The following ZNF383 variants were observed in gnomAD, a reference collection of about 807,000 sequenced individuals.
ZNF383 encodes the protein zinc finger protein 383.
ZNF383 carries 32 observed loss-of-function variants against 44.2 expected under a neutral mutation model. The ratio of observed to expected loss-of-function variants is 0.72; its 90% CI spans 0.55 to 0.97. ZNF383 has a LOEUF of 0.97. ZNF383 is among the 50% of genes least tolerant of loss of function. The pLI is 0.00. For missense variants in ZNF383, 487 were observed against 562.5 expected (o/e 0.87, Z 1.36); for synonymous variants, 155 against 186.2 (o/e 0.83, Z 1.36).
At position 37,230,469 on chromosome 19, in the gene ZNF383, T is replaced by G. The variant is rs192065565; in HGVS notation, c.9+7T>G. ...ACTAGAAGCCATGGCTGAGGTGAGTTGATGCTTTTTCTTGCCTTCCTGACA... is the reference window on the plus strand; with the variant it reads ...ACTAGAAGCCATGGCTGAGGTGAGTGGATGCTTTTTCTTGCCTTCCTGACA... On this transcript the variant is annotated splice_region_variant and intron_variant, in intron 3 of 5. Coordinates refer to ENST00000684119, the MANE Select transcript of ZNF383 (RefSeq NM_001387601.1). The G allele has an allele frequency of 6.5e-3, 10,543 of 1,612,960 alleles. 51 individuals carry two copies. Among genetic ancestry groups the G allele is most frequent in the Non-Finnish European group, 8.2e-3 (9,694 of 1,179,788 alleles).
chr19:37,238,051 CAG>C (rs1973905415), intron 5 of ZNF383, among the ~76,000 whole-genome samples: 1 of 151,666 alleles, frequency 6.6e-6, no homozygotes. Context: ...TTTGTAGAGA[CAG>C]GGTTTCGCCA....
chr19:37,231,930 T>C (rs1226081328), intron 3 of ZNF383, among the ~76,000 whole-genome samples: 3 of 152,194 alleles, frequency 2.0e-5, no homozygotes, highest in African/African-American at 7.2e-5. Flanking sequence ...ATTTTATGAA[T>C]TTTTTCAGAA....
rs913670951 is a variant in ZNF383, at chr19:37,246,695, G to C, written c.*3031G>C. 5 of 152,140 alleles carry C rather than the reference G, an allele frequency of 3.3e-5. No homozygotes were observed. The highest frequency in any genetic ancestry group is 9.7e-5 in the African/African-American group (4 of 41,412). 9.4% of individuals were successfully genotyped at this position (152,140 alleles called of 1,614,324 possible). A position where few individuals can be genotyped will look rare whatever the true frequency, so the allele number is the denominator to read the frequency against. On this transcript the variant is annotated 3_prime_UTR_variant, in exon 6 of 6. Coordinates refer to ENST00000684119, the MANE Select transcript of ZNF383 (RefSeq NM_001387601.1). ...TCCTAGCTACTCAAGAGGCTGAGGT[G>C]GGAGGATTGCTTGAACCTGGGAGTT...
At chr19:37,233,275 C>T (rs916202379) in intron 3 of ZNF383, among the ~76,000 whole-genome samples, 35 of 151,686 alleles carry the variant, frequency 2.3e-4, no homozygotes, top group Admixed American at 2.6e-4. Context: ...GGATTACAGG[C>T]GCGTGCCACC....
chr19:37,236,954 AACACACACACACACACACAC>A (rs35036376), intron 5 of ZNF383, among the ~76,000 whole-genome samples: 8 of 146,858 alleles, frequency 5.4e-5, no homozygotes, highest in African/African-American at 7.5e-5. Flanking sequence ...CACACATGTG[AACACACACACACACACACAC>A]ACACACACAC....
Position 37,233,293 on chromosome 19 carries a change from G to A in ZNF383, c.10-2256G>A, listed in dbSNP as rs553862166. ...TTACAGGCGCGTGCCACCACGCCCA[G>A]CTAATTTTTTTGTATTTTTAGTAGA... On this transcript the variant is annotated intron_variant, in intron 3 of 5. Transcript: ENST00000684119. Among the ~76,000 whole-genome samples the A allele has an allele frequency of 2.1e-3, 312 of 152,082 alleles. 1 individual carries two copies. Among genetic ancestry groups the A allele is most frequent in the African/African-American group, 7.2e-3 (300 of 41,480 alleles).
At position 37,243,205 on chromosome 19, in the gene ZNF383, A is replaced by G. The variant is rs755078016; in HGVS notation, c.969A>G (p.Ser323=). The change falls in exon 6 of 6, where the codon TCA becomes TCG. Residue 323 remains serine (S), a synonymous_variant. Transcript: ENST00000684119. ...GTGGCAAAGCCTTTACCCAGAGCTCAAAGCTTGTTCAACATCAGAGAATTC... is the reference window on the plus strand; with the variant it reads ...GTGGCAAAGCCTTTACCCAGAGCTCGAAGCTTGTTCAACATCAGAGAATTC... The part of the protein sequence containing the change: ...KECGKAFTQS[S]KLVQHQRIHT... 1.2e-6 allele frequency: 2 copies of G among 1,614,176 alleles called. No individual in the cohort carries two copies. Among genetic ancestry groups the G allele is most frequent in the South Asian group, 1.1e-5 (1 of 91,086 alleles).
chr19:37,239,931 G>A (rs534490178), intron 5 of ZNF383, among the ~76,000 whole-genome samples: 2 of 152,146 alleles, frequency 1.3e-5, no homozygotes, highest in African/African-American at 2.4e-5. Context: ...AGGCCGAGGC[G>A]GGAGGATCAT....
chr19:37,242,385 A>T (rs1974158651), intron 5 of ZNF383, 84 bp from the exon 6 acceptor site: 1 of 859,836 alleles, frequency 1.2e-6, no homozygotes, highest in Non-Finnish European at 1.8e-6. Flanking sequence ...TACTATTCTT[A>T]CTTTAATTTT....
intron 5 of ZNF383, among the ~76,000 whole-genome samples, chr19:37,237,343 A>G (rs1262869886): frequency 1.3e-5 from 2 of 152,300 alleles, no homozygotes; most frequent in African/African-American, 4.8e-5. Flanking sequence ...AGTGACTGCA[A>G]TCACTATGTA....
At chr19:37,239,076 C>T (rs773684039) in intron 5 of ZNF383, among the ~76,000 whole-genome samples, 28 of 152,096 alleles carry the variant, frequency 1.8e-4, no homozygotes, top group East Asian at 1.5e-3. Flanking sequence ...CCTGCCACTG[C>T]GCCCGGCTCA....
At position 37,244,118 on chromosome 19, in the gene ZNF383, C is replaced by A. The variant is rs1424634357; in HGVS notation, c.*454C>A. 1 of 152,244 alleles carries A rather than the reference C, an allele frequency of 6.6e-6. No homozygotes were observed. Among genetic ancestry groups the A allele is most frequent in the East Asian group, 1.9e-4 (1 of 5,194 alleles). The allele number at this position is 152,244 out of a possible 1,614,324, so 9.4% of individuals were successfully genotyped here. A position where few individuals can be genotyped will look rare whatever the true frequency, so the allele number is the denominator to read the frequency against. ...ATGTTTTTTGAGACGGAGTTTCACTCTGTTGCCCAGGCTGGAGTGCAGTGG... is the reference window on the plus strand; with the variant it reads ...ATGTTTTTTGAGACGGAGTTTCACTATGTTGCCCAGGCTGGAGTGCAGTGG... On this transcript the variant is annotated 3_prime_UTR_variant, in exon 6 of 6. Coordinates refer to ENST00000684119, the MANE Select transcript of ZNF383 (RefSeq NM_001387601.1).
chr19:37,233,243 G>T (rs1342622239), intron 3 of ZNF383, among the ~76,000 whole-genome samples: 1 of 151,844 alleles, frequency 6.6e-6, no homozygotes, highest in Non-Finnish European at 1.5e-5. Context: ...TGATTCTCCT[G>T]CTTCAGCCTC....
At chr19:37,241,052 C>A (rs1468643743) in intron 5 of ZNF383, among the ~76,000 whole-genome samples, 1 of 152,180 alleles carries the variant, frequency 6.6e-6, no homozygotes, top group African/African-American at 2.4e-5. Flanking sequence ...GGTGATCTGC[C>A]CGCCTCGTCC....
At chr19:37,233,737 T>C (rs1744101059) in intron 3 of ZNF383, among the ~76,000 whole-genome samples, 1 of 152,056 alleles carries the variant, frequency 6.6e-6, no homozygotes, top group African/African-American at 2.4e-5. Context: ...CTGGGATTTG[T>C]TTTTAATCCT....
chr19:37,246,606 A>G lies in ZNF383; in HGVS notation c.*2942A>G, dbSNP rs1387173751. 6.6e-6 allele frequency: 1 copy of G among 152,082 alleles called. No homozygotes were observed. The highest frequency in any genetic ancestry group is 2.4e-5 in the African/African-American group (1 of 41,382). The allele number at this position is 152,082 out of a possible 1,614,324, so 9.4% of individuals were successfully genotyped here. A position where few individuals can be genotyped will look rare whatever the true frequency, so the allele number is the denominator to read the frequency against. On this transcript the variant is annotated 3_prime_UTR_variant, in exon 6 of 6. Coordinates refer to ENST00000684119, the MANE Select transcript of ZNF383 (RefSeq NM_001387601.1). ...GCCAACATGGTGAAACCCCGTCTCT[A>G]CTAAAAATACAAAAAAAACAAAAAC...
rs1196268595 is a variant in ZNF383, at chr19:37,243,817, A to G, written c.*153A>G. 3 of 536,868 alleles carry G rather than the reference A, an allele frequency of 5.6e-6. No individual in the cohort carries two copies. The highest frequency in any genetic ancestry group is 3.8e-5 in the African/African-American group (2 of 53,002). The allele number at this position is 536,868 out of a possible 1,614,324, so 33.3% of individuals were successfully genotyped here. The stretch of plus-strand genomic sequence containing the variant: ...GGTTATAAATTCGGAGTCTAAAGTG[A>G]CATTCCCTCTCTCCCCCAGTCATAT... On this transcript the variant is annotated 3_prime_UTR_variant, in exon 6 of 6. Transcript: ENST00000684119.
chr19:37,228,209 C>A (rs1173630340), intron 2 of ZNF383, among the ~76,000 whole-genome samples: 3 of 152,210 alleles, frequency 2.0e-5, no homozygotes, highest in Non-Finnish European at 2.9e-5. Flanking sequence ...TACCGGTAGA[C>A]CAAGGAGCCC....
intron 2 of ZNF383, chr19:37,227,806 CAG>C (rs369909965): frequency 2.6e-5 from 4 of 151,820 alleles, no homozygotes; most frequent in African/African-American, 2.4e-5. Flanking sequence ...GTAGCCGAGG[CAG>C]AGAGAGAGAG....
Sources: gnomAD v4.1 joint callset for allele counts (sites outside exome capture counted in the v4.1 genomes callset) on GRCh38, gnomAD v4.1.1 for gene constraint, MANE v1.5 for transcripts, NCBI Gene and HGNC (gene_info 2026-07-23, HGNC 2026-07-21) for gene names.